Variants in CNTN3 observed in about 807,000 individuals in gnomAD.
The protein encoded by CNTN3 is contactin-3.
In CNTN3, 60 loss-of-function variants were observed where a neutral mutation model predicts 119.1. The ratio of observed to expected loss-of-function variants is 0.50; its 90% confidence interval spans 0.41 to 0.62. The LOEUF is 0.62. CNTN3 is among the 20% of genes least tolerant of loss of function. The pLI is 0.00. For missense variants in CNTN3, 1,101 were observed against 1,242.4 expected (o/e 0.89, Z 1.71); for synonymous variants, 450 against 438.7 (o/e 1.03, Z -0.32).
chr3:74,361,249 C>T (rs1704067468), intron 11 of CNTN3, among the ~76,000 whole-genome samples: 2 of 152,148 alleles, frequency 1.3e-5, no homozygotes, highest in Admixed American at 1.3e-4. Flanking sequence ...ATCCACATAA[C>T]AATTCTTGAC....
intron 5 of CNTN3, among the ~76,000 whole-genome samples, chr3:74,379,001 G>C (rs577433595): frequency 6.6e-6 from 1 of 152,182 alleles, no homozygotes; most frequent in East Asian, 1.9e-4. Flanking sequence ...ATTTCTACTA[G>C]GTAACAGAGA....
chr3:74,568,152 A>G (rs1388198907), intron 1 of CNTN3, among the ~76,000 whole-genome samples: 2 of 151,806 alleles, frequency 1.3e-5, no homozygotes, highest in Non-Finnish European at 2.9e-5. Flanking sequence ...AACTTAAAAA[A>G]AAATTAAATG....
At position 74,614,433 on chromosome 3, in the gene CNTN3, TCGCCGCCGCCGCCGCCGC is replaced by T. The variant is rs548175205; in HGVS notation, c.-141_-124del. ...CCAGACGCCCGCCCCGACGGCCCAC[TCGCCGCCGCCGCCGCCGC>T]CGCCGCCGCCGCCACCGCCGCCGCC... On this transcript the variant is annotated 5_prime_UTR_variant, in exon 1 of 23. Coordinates refer to ENST00000263665, the MANE Select transcript of CNTN3 (RefSeq NM_020872.3). Among the ~76,000 whole-genome samples the T allele has an allele frequency of 8.9e-5, 13 of 145,358 alleles. No homozygotes were observed. Among genetic ancestry groups the T allele is most frequent in the East Asian group, 6.2e-4 (3 of 4,838 alleles).
intron 11 of CNTN3, among the ~76,000 whole-genome samples, chr3:74,355,237 C>T (rs751227428): frequency 1.6e-4 from 24 of 152,126 alleles, no homozygotes; most frequent in Admixed American, 8.5e-4. Flanking sequence ...GATTTATCCT[C>T]GACTCCTGTC....
chr3:74,542,935 A>G (rs1324727474), intron 1 of CNTN3, among the ~76,000 whole-genome samples: 2 of 152,148 alleles, frequency 1.3e-5, no homozygotes, highest in African/African-American at 2.4e-5. Context: ...CACGGTCAAC[A>G]TACCAAGATT....
chr3:74,612,978 G>C lies in CNTN3; in HGVS notation c.-81+1413C>G, dbSNP rs552639203. ...CAGTCAACTTTCTCCCTAGTCCCAT[G>C]ACCCACAAATGGTTAAAACCATGAA... On this transcript the variant is annotated intron_variant, in intron 1 of 22. Transcript: ENST00000263665. Among the ~76,000 whole-genome samples, 10 of 152,276 alleles carry C rather than the reference G, an allele frequency of 6.6e-5. No homozygotes were observed. In the East Asian group the frequency reaches 1.9e-3, roughly 29 times the overall value.
intron 1 of CNTN3, among the ~76,000 whole-genome samples, chr3:74,527,011 T>A (rs1046936668): frequency 6.6e-6 from 1 of 151,916 alleles, no homozygotes; most frequent in Non-Finnish European, 1.5e-5. Context: ...AACTTGTGTG[T>A]ACTCTATGCT....
chr3:74,436,028 ACATT>A (rs1454984129), intron 4 of CNTN3, among the ~76,000 whole-genome samples: 7 of 152,346 alleles, frequency 4.6e-5, no homozygotes, highest in African/African-American at 1.7e-4. Flanking sequence ...GATAAAGTCC[ACATT>A]CTCTGTCCTA....
At chr3:74,538,582 AT>A (rs1333835879) in intron 1 of CNTN3, among the ~76,000 whole-genome samples, 3 of 152,094 alleles carry the variant, frequency 2.0e-5, no homozygotes, top group Non-Finnish European at 4.4e-5. Context: ...CATTTTGGAG[AT>A]GCTCTATTTT....
At chr3:74,440,113 T>C (rs1701936640) in intron 4 of CNTN3, among the ~76,000 whole-genome samples, 1 of 152,206 alleles carries the variant, frequency 6.6e-6, no homozygotes. Flanking sequence ...CCTATGTTCC[T>C]GTAAGTTTTT....
At chr3:74,403,359 T>C (rs1187744843) in intron 5 of CNTN3, among the ~76,000 whole-genome samples, 2 of 152,130 alleles carry the variant, frequency 1.3e-5, no homozygotes, top group East Asian at 3.9e-4. Context: ...TGCTTCACAC[T>C]CATTTTCTGA....
At chr3:74,347,797 C>T (rs1703728660) in intron 11 of CNTN3, among the ~76,000 whole-genome samples, 1 of 152,106 alleles carries the variant, frequency 6.6e-6, no homozygotes, top group Non-Finnish European at 1.5e-5. Flanking sequence ...TAAATCCTTG[C>T]CACTCTCCCA....
intron 20 of CNTN3, among the ~76,000 whole-genome samples, chr3:74,276,235 A>G (rs1191015461): frequency 6.6e-6 from 1 of 152,192 alleles, no homozygotes; most frequent in Non-Finnish European, 1.5e-5. Context: ...AGTCATCAAG[A>G]CATAAAGTTA....
chr3:74,369,850 A>G, intron 7 of CNTN3, 39 bp downstream of exon 7: 1 of 1,059,370 alleles, frequency 9.4e-7, no homozygotes, highest in East Asian at 2.5e-5. Context: ...ATAGCAACCT[A>G]ATATTTCAGC....
At chr3:74,439,577 A>C (rs1283027255) in intron 4 of CNTN3, among the ~76,000 whole-genome samples, 1 of 152,214 alleles carries the variant, frequency 6.6e-6, no homozygotes, top group African/African-American at 2.4e-5. Context: ...GTTATTCCCA[A>C]TATTTACATA....
intron 11 of CNTN3, among the ~76,000 whole-genome samples, chr3:74,353,073 G>A (rs771056705): frequency 2.6e-5 from 4 of 152,192 alleles, no homozygotes; most frequent in Non-Finnish European, 4.4e-5. Context: ...GAGCCAGGTA[G>A]TGTAAGGGAA....
At chr3:74,593,430 C>T (rs1704738081) in intron 1 of CNTN3, among the ~76,000 whole-genome samples, 1 of 151,950 alleles carries the variant, frequency 6.6e-6, no homozygotes, top group Non-Finnish European at 1.5e-5. Context: ...CTTCGTGTGA[C>T]TTTAAATTTC....
intron 2 of CNTN3, among the ~76,000 whole-genome samples, chr3:74,501,257 T>C (rs1703162116): frequency 6.6e-6 from 1 of 151,990 alleles, no homozygotes; most frequent in African/African-American, 2.4e-5. Context: ...TCAAATGACG[T>C]GGAGACTGAG....
chr3:74,502,763 C>T (rs544152490), intron 2 of CNTN3, among the ~76,000 whole-genome samples: 1 of 152,208 alleles, frequency 6.6e-6, no homozygotes, highest in South Asian at 2.1e-4. Context: ...ATGTGACCAT[C>T]CGCATTCTCC....
Sources: gnomAD v4.1 joint callset for allele counts (sites outside exome capture counted in the v4.1 genomes callset) on GRCh38, gnomAD v4.1.1 for gene constraint, MANE v1.5 for transcripts, NCBI Gene and HGNC (gene_info 2026-07-23, HGNC 2026-07-21) for gene names.